The following LPO variants were observed in gnomAD, a reference collection of about 807,000 sequenced individuals.
The protein encoded by LPO is salivary peroxidase.
Under a neutral mutation model 68.4 loss-of-function variants are expected in LPO, and 70 were observed. The observed-to-expected ratio is 1.02, with a 90% CI of 0.84 to 1.25. The LOEUF is 1.25. Among genes scored for constraint, LPO ranks in the 50% most tolerant of loss-of-function variants. The pLI, the probability that LPO is intolerant of heterozygous loss-of-function variation, is 0.00. For missense variants in LPO, 873 were observed against 908.4 expected (o/e 0.96, Z 0.50); for synonymous variants, 360 against 357.6 (o/e 1.01, Z -0.08).
Position 58,254,879 on chromosome 17 carries a change from CG to C in LPO, c.1176del (p.Leu393TrpfsTer5), listed in dbSNP as rs772577273. On this transcript the variant is annotated frameshift_variant, in exon 9 of 13. Coordinates refer to ENST00000262290, the MANE Select transcript of LPO (RefSeq NM_006151.3). LOFTEE classifies it high-confidence loss of function. ...CACCCTCTTTCTCCGCGAGCATAAC[CG>C]GCTGGCCAGAGAACTAAAGAGACTC... is the stretch of plus-strand genomic sequence containing the variant. ...SHTLFLREHN[R>X]LARELKRLNP... 1.2e-6 allele frequency: 2 copies of C among 1,614,102 alleles called. No homozygotes were observed. Among genetic ancestry groups the C allele is most frequent in the South Asian group, 2.2e-5 (2 of 91,074 alleles).
chr17:58,241,080 T>C (rs559059463), intron 1 of LPO, among the ~76,000 whole-genome samples: 1 of 152,016 alleles, frequency 6.6e-6, no homozygotes. Flanking sequence ...CTAAATTTTA[T>C]GCTATGTGGA....
intron 9 of LPO, among the ~76,000 whole-genome samples, chr17:58,262,727 G>A (rs965446535): frequency 6.6e-6 from 1 of 152,136 alleles, no homozygotes; most frequent in Admixed American, 6.5e-5. Context: ...TTCTTTATAG[G>A]TAATGTGTCA....
At position 58,249,040 on chromosome 17, in the gene LPO, TG is replaced by T; in HGVS notation, c.326-16del. On this transcript the variant is annotated intron_variant, in intron 4 of 12. Coordinates refer to ENST00000262290, the MANE Select transcript of LPO (RefSeq NM_006151.3). ...GAATGGAGAAAGAACTCAGTCCCTT[TG>T]GGGTCCCTTCTGTTTCAGATCCCAG... is the stretch of plus-strand genomic sequence containing the variant. The T allele has an allele frequency of 6.3e-7, 1 of 1,592,788 alleles. No individual in the cohort carries two copies. Among genetic ancestry groups the T allele is most frequent in the South Asian group, 1.1e-5 (1 of 90,654 alleles).
At position 58,252,279 on chromosome 17, in the gene LPO, C is replaced by A. The variant is rs753545455; in HGVS notation, c.878C>A (p.Ala293Asp). Residue 293 changes from alanine to aspartate, a missense_variant, in exon 8 of 13, where the codon GCC becomes GAC. Transcript: ENST00000262290. ...CCCACTCCACCCTACAAGTCCCTGG[C>A]CCGAGAGCAGATCAACGCTCTGACC... ...VCPTPPYKSL[A>D]REQINALTSF... The A allele has an allele frequency of 6.2e-7, 1 of 1,614,072 alleles. No individual in the cohort carries two copies. Among genetic ancestry groups the A allele is most frequent in the African/African-American group, 1.3e-5 (1 of 74,918 alleles).
chr17:58,241,382 A>G (rs1457303836), intron 1 of LPO, among the ~76,000 whole-genome samples: 1 of 151,960 alleles, frequency 6.6e-6, no homozygotes, highest in Non-Finnish European at 1.5e-5. Flanking sequence ...AAATTCTGGG[A>G]TTACAGGCAT....
At chr17:58,248,992 TC>T (rs1422563866) in intron 4 of LPO, 67 bp from the exon 5 acceptor site, 1 of 1,202,820 alleles carries the variant, frequency 8.3e-7, no homozygotes, top group African/African-American at 1.5e-5. Flanking sequence ...GGTCTCCATT[TC>T]CTGCCTCCCA....
intron 9 of LPO, among the ~76,000 whole-genome samples, chr17:58,262,483 G>A (rs570746396): frequency 4.6e-5 from 7 of 152,168 alleles, no homozygotes; most frequent in Non-Finnish European, 1.0e-4. Context: ...TCCGCCTCCC[G>A]GGCTCAAGCG....
chr17:58,267,932 T>G lies in LPO; in HGVS notation c.2077T>G (p.Phe693Val). ...CTGGGCCAACAGCTACCCCTATGAC[T>G]TCGTGGATTGCTCAGCCATCGACAA... ...PFWANSYPYDFVDCSAIDKLD... is the reference protein window; with the variant it reads ...PFWANSYPYDVVDCSAIDKLD... Residue 693 changes from phenylalanine (F) to valine (V), a missense_variant, in exon 13 of 13, where the codon TTC (phenylalanine) becomes GTC (valine). Coordinates refer to ENST00000262290, the MANE Select transcript of LPO (RefSeq NM_006151.3). The G allele has an allele frequency of 1.2e-6, 2 of 1,614,136 alleles. No individual in the cohort carries two copies. The highest frequency in any genetic ancestry group is 1.7e-6 in the Non-Finnish European group (2 of 1,180,014).
At chr17:58,265,454 G>A (rs1464984955) in intron 10 of LPO, among the ~76,000 whole-genome samples, 1 of 151,798 alleles carries the variant, frequency 6.6e-6, no homozygotes, top group African/African-American at 2.4e-5. Flanking sequence ...TTTACTTAAA[G>A]CCTAGCAAGT....
At chr17:58,247,736 T>C in intron 4 of LPO, 98 bp downstream of exon 4, 1 of 1,352,534 alleles carries the variant, frequency 7.4e-7, no homozygotes, top group East Asian at 2.3e-5. Flanking sequence ...TTGAGAGCTA[T>C]CTACTCAGAG....
At position 58,267,330 on chromosome 17, in the gene LPO, C is replaced by T. The variant is rs754835226; in HGVS notation, c.1694-19C>T. 5 of 1,594,228 alleles carry T rather than the reference C, an allele frequency of 3.1e-6. No individual in the cohort carries two copies. Among genetic ancestry groups the T allele is most frequent in the Non-Finnish European group, 4.3e-6 (5 of 1,162,360 alleles). On this transcript the variant is annotated intron_variant, in intron 11 of 12. Coordinates refer to ENST00000262290, the MANE Select transcript of LPO (RefSeq NM_006151.3). The stretch of plus-strand genomic sequence containing the variant: ...CAGGAAGTCCCCGGGATGAGACAGC[C>T]TCAGTCTCTCCACCCTAGGGTACAA...
intron 11 of LPO, 54 bp from the exon 12 acceptor site, chr17:58,267,295 A>G (rs8178407): frequency 0.41 from 570,752 of 1,404,024 alleles, 123,957 homozygotes; most frequent in African/African-American, 0.78. Context: ...GCCCCAAAGG[A>G]GGCTGTGAAC....
rs766445633 is a variant in LPO at position 58,264,759 on chromosome 17, G to T, written c.1304G>T (p.Gly435Val). 3.7e-6 allele frequency: 6 copies of T among 1,614,114 alleles called. No individual in the cohort carries two copies. The highest frequency in any genetic ancestry group is 3.3e-4 in the Middle Eastern group (2 of 6,044). The part of the protein sequence containing the change: ...TFRDYLPILL[G>V]DHMQKWIPPY... ...AGGGACTACCTACCCATTTTGCTAG[G>T]TGACCACATGCAGAAGTGGATACCC... The change falls in exon 10 of 13, where the codon GGT becomes GTT. Residue 435 changes from glycine to valine, a missense_variant. Coordinates refer to ENST00000262290, the MANE Select transcript of LPO (RefSeq NM_006151.3).
At chr17:58,239,589 C>A (rs574550241) in intron 1 of LPO, among the ~76,000 whole-genome samples, 1 of 152,192 alleles carries the variant, frequency 6.6e-6, no homozygotes, top group East Asian at 1.9e-4. Flanking sequence ...CTCCACCACC[C>A]TCCACAGGGC....
rs1462236599 is a variant in LPO, at chr17:58,243,379, G to A, written c.76+324G>A. On this transcript the variant is annotated intron_variant, in intron 2 of 12. Coordinates refer to ENST00000262290, the MANE Select transcript of LPO (RefSeq NM_006151.3). ...ACCACCATTTATTGGATTTAGGGCC[G>A]ATGCTAAGGCAGTATGACCTCATTT... The A allele has an allele frequency of 5.7e-5, 18 of 317,326 alleles. No individual in the cohort carries two copies. In the South Asian group the frequency reaches 6.4e-4, roughly 11 times the overall value. 19.7% of individuals were successfully genotyped at this position (317,326 alleles called of 1,614,324 possible). A position where few individuals can be genotyped will look rare whatever the true frequency, so the allele number is the denominator to read the frequency against.
In LPO at chr17:58,258,678, G is replaced by A. The variant is rs1245276709; in HGVS notation, c.1266+3707G>A. The stretch of plus-strand genomic sequence containing the variant: ...TGCCAAACTATTTTTTAGAATGGCT[G>A]TACCATTTACATTCCTATCAGCAAT... On this transcript the variant is annotated intron_variant, in intron 9 of 12. Transcript: ENST00000262290. Among the ~76,000 whole-genome samples the A allele has an allele frequency of 2.0e-5, 3 of 152,220 alleles. No individual in the cohort carries two copies. The East Asian group carries it at 5.8e-4, about 29-fold the overall frequency.
intron 9 of LPO, among the ~76,000 whole-genome samples, chr17:58,260,261 G>A (rs570491589): frequency 6.6e-6 from 1 of 152,062 alleles, no homozygotes; most frequent in Non-Finnish European, 1.5e-5. Flanking sequence ...TTAGTTCTAG[G>A]CATTCTGCTG....
At chr17:58,262,687 C>A in intron 9 of LPO, among the ~76,000 whole-genome samples, 1 of 152,224 alleles carries the variant, frequency 6.6e-6, no homozygotes, top group Non-Finnish European at 1.5e-5. Context: ...GCCACCACAC[C>A]CAGCCCTTTA....
At chr17:58,255,101 T>A (rs1326149007) in intron 9 of LPO, 130 bp downstream of exon 9, 2 of 844,006 alleles carry the variant, frequency 2.4e-6, no homozygotes, top group African/African-American at 3.5e-5. Context: ...GCCCCTCTGC[T>A]GCTTCTCTCT....
Sources: allele counts gnomAD v4.1 joint callset (sites outside exome capture counted in the v4.1 genomes callset), GRCh38; gene constraint gnomAD v4.1.1; transcripts MANE v1.5; gene names NCBI Gene and HGNC (gene_info 2026-07-23, HGNC 2026-07-21).